The following WDR49 variants were observed in gnomAD, a reference collection of about 807,000 sequenced individuals.
WDR49 encodes cilia- and flagella-associated protein 337.
In WDR49, 107 loss-of-function variants were observed where a neutral mutation model predicts 119.5. The ratio of observed to expected loss-of-function variants is 0.90; its 90% CI spans 0.77 to 1.05. The LOEUF is 1.05. Among genes scored for constraint, WDR49 ranks in the 50% least tolerant of loss-of-function variants. WDR49 has a pLI of 0.00. For synonymous variants in WDR49, 425 were observed against 418.8 expected (o/e 1.01, Z -0.18); for missense variants, 1,240 against 1,220.5 (o/e 1.02, Z -0.24).
intron 14 of WDR49, among the ~76,000 whole-genome samples, chr3:167,528,310 T>C (rs576052087): frequency 6.6e-6 from 1 of 152,032 alleles, no homozygotes; most frequent in South Asian, 2.1e-4. Flanking sequence ...CTTTACCACA[T>C]ACAGGTGGTC....
At chr3:167,562,552 A>G (rs1220852800) in intron 8 of WDR49, among the ~76,000 whole-genome samples, 2 of 152,260 alleles carry the variant, frequency 1.3e-5, no homozygotes. Flanking sequence ...TTGAATTACC[A>G]TTGTGAAACT....
Position 167,494,425 on chromosome 3 carries a change from G to A in WDR49, c.3031+5728C>T, listed in dbSNP as rs141526847. Among the ~76,000 whole-genome samples the A allele has an allele frequency of 2.0e-5, 3 of 152,028 alleles. No homozygotes were observed. The East Asian group carries it at 5.8e-4, about 29-fold the overall frequency. ...TCAACAGGAATTTTCTTTCTGGATA[G>A]GATTTAATAGGTAGTTGCAGGTTAT... is the stretch of plus-strand genomic sequence containing the variant. On this transcript the variant is annotated intron_variant, in intron 18 of 18. Transcript: ENST00000682715.
At chr3:167,508,260 A>G (rs1751845513) in intron 16 of WDR49, among the ~76,000 whole-genome samples, 1 of 152,220 alleles carries the variant, frequency 6.6e-6, no homozygotes, top group African/African-American at 2.4e-5. Context: ...TAATTTGTCA[A>G]TATTTTCACA....
chr3:167,490,485 C>T (rs568348451), intron 18 of WDR49, among the ~76,000 whole-genome samples: 92 of 152,248 alleles, frequency 6.0e-4, no homozygotes, highest in African/African-American at 2.2e-3. Context: ...ATAGTCAATG[C>T]ATGTATCTAC....
intron 11 of WDR49, among the ~76,000 whole-genome samples, chr3:167,534,193 C>G (rs1034825426): frequency 1.3e-5 from 2 of 151,786 alleles, no homozygotes; most frequent in African/African-American, 4.8e-5. Context: ...AGACTCCACT[C>G]CATCCAAAAA....
Position 167,604,412 on chromosome 3 carries a change from T to C in WDR49, c.1015A>G (p.Ser339Gly), listed in dbSNP as rs1715938233. The change falls in exon 6 of 19, where the codon AGT (serine) becomes GGT (glycine). Residue 339 changes from serine to glycine, a missense_variant. Physicochemically the swap from Ser to Gly is moderately conservative, Grantham distance 56. Coordinates refer to ENST00000682715, the MANE Select transcript of WDR49 (RefSeq NM_001366157.1). ...TTCTCTCTCCAAGCCATCACCACAC[T>C]ATTTGTATTGCTGGTTGTACTGGAA... is the stretch of plus-strand genomic sequence containing the variant. ...IISSTTSNTN[S>G]VVMAWREKSK... 1 of 1,613,646 alleles carries C rather than the reference T, an allele frequency of 6.2e-7. No homozygotes were observed.
upstream of WDR49, among the ~76,000 whole-genome samples, chr3:167,655,925 C>CTCTA (rs1718592396): frequency 2.0e-5 from 3 of 151,456 alleles, no homozygotes; most frequent in South Asian, 6.2e-4. Flanking sequence ...CTCTCTCTCT[C>CTCTA]TATATATATA....
chr3:167,560,026 C>T lies in WDR49; in HGVS notation c.1674+38G>A, dbSNP rs1381189705. ...GTCTTCTGGCATAGTATTTTAGTCT[C>T]CTCATATCTGGATAGAAAAGCATCA... On this transcript the variant is annotated intron_variant, in intron 9 of 18. Coordinates refer to ENST00000682715, the MANE Select transcript of WDR49 (RefSeq NM_001366157.1). 8.7e-6 allele frequency: 14 copies of T among 1,609,752 alleles called. No homozygotes were observed. In the Admixed American group the frequency reaches 1.3e-4, roughly 15 times the overall value.
intron 9 of WDR49, among the ~76,000 whole-genome samples, chr3:167,559,612 A>C (rs1030907567): frequency 4.6e-5 from 7 of 152,228 alleles, no homozygotes; most frequent in Non-Finnish European, 7.3e-5. Context: ...AAGATTACAA[A>C]ATAGGTTTAC....
intron 2 of WDR49, among the ~76,000 whole-genome samples, chr3:167,643,303 A>C (rs1320504783): frequency 6.6e-6 from 1 of 152,116 alleles, no homozygotes; most frequent in Non-Finnish European, 1.5e-5. Flanking sequence ...GGTGGAGATA[A>C]CTACGCAGTA....
chr3:167,505,386 A>G lies in WDR49; in HGVS notation c.2805T>C (p.Asp935=), dbSNP rs750349837. Residue 935 remains aspartate, a synonymous_variant, in exon 17 of 19, where the codon GAT becomes GAC. Transcript: ENST00000682715. ...AGGTACTTCTTTCCTTATATTTTAT[A>G]TCTAAATTTATATCTTCTGATGGTC... ...NVRPSEDINL[D]IKYKERSTCM... 1 of 1,525,206 alleles carries G rather than the reference A, an allele frequency of 6.6e-7. No individual in the cohort carries two copies. Among genetic ancestry groups the G allele is most frequent in the East Asian group, 2.4e-5 (1 of 41,208 alleles). 94.5% of individuals were successfully genotyped at this position (1,525,206 alleles called of 1,614,324 possible).
chr3:167,487,372 A>G (rs1183583662), intron 18 of WDR49, among the ~76,000 whole-genome samples: 1 of 152,166 alleles, frequency 6.6e-6, no homozygotes, highest in African/African-American at 2.4e-5. Context: ...ATATACAAAA[A>G]TTAACTAAGG....
intron 5 of WDR49, among the ~76,000 whole-genome samples, chr3:167,612,771 T>C (rs1186813668): frequency 6.6e-6 from 1 of 151,112 alleles, no homozygotes. Flanking sequence ...TGGGAAGAAA[T>C]CTTGTGTTAA....
intron 16 of WDR49, among the ~76,000 whole-genome samples, chr3:167,520,131 G>A (rs570464584): frequency 2.6e-4 from 40 of 151,536 alleles, no homozygotes; most frequent in Non-Finnish European, 5.0e-4. Context: ...CCTGTAGTCC[G>A]AGCTACTTGG....
Position 167,602,142 on chromosome 3 carries a change from G to A in WDR49, c.1260C>T (p.Ser420=), listed in dbSNP as rs1715803078. Residue 420 remains serine (S), a synonymous_variant, in exon 7 of 19, where the codon AGC becomes AGT. Transcript: ENST00000682715. ...TGTTACTTACTTTATCCTTGGAGAA[G>A]CTGAAAAGTTGTTTTCTTTCCACAA... ...QFFVERKQLF[S]FSKDKVLRLW... is the part of the protein sequence containing the mutation. 6.2e-7 allele frequency: 1 copy of A among 1,600,254 alleles called. No individual in the cohort carries two copies. Among genetic ancestry groups the A allele is most frequent in the Non-Finnish European group, 8.5e-7 (1 of 1,170,248 alleles).
At chr3:167,624,276 G>A (rs1344344484) in intron 3 of WDR49, among the ~76,000 whole-genome samples, 1 of 151,202 alleles carries the variant, frequency 6.6e-6, no homozygotes, top group Non-Finnish European at 1.5e-5. Context: ...ATGGAAGGCT[G>A]CAGAGCAATA....
chr3:167,621,307 G>A (rs1716857708), intron 4 of WDR49, among the ~76,000 whole-genome samples, 160 bp downstream of exon 4: 1 of 152,020 alleles, frequency 6.6e-6, no homozygotes, highest in East Asian at 1.9e-4. Context: ...TACGCAAGAA[G>A]ACAAATTGTG....
intron 2 of WDR49, among the ~76,000 whole-genome samples, chr3:167,642,846 A>C (rs970504467): frequency 6.6e-6 from 1 of 151,982 alleles, no homozygotes; most frequent in African/African-American, 2.4e-5. Flanking sequence ...CTCACACTAG[A>C]CAAATTTGGG....
At chr3:167,498,220 A>C (rs1751432671) in intron 18 of WDR49, among the ~76,000 whole-genome samples, 1 of 152,214 alleles carries the variant, frequency 6.6e-6, no homozygotes, top group African/African-American at 2.4e-5. Flanking sequence ...ACACACTAAG[A>C]GTTATTTAGA....
Sources: gnomAD v4.1 joint callset for allele counts (sites outside exome capture counted in the v4.1 genomes callset) on GRCh38, gnomAD v4.1.1 for gene constraint, MANE v1.5 for transcripts, NCBI Gene and HGNC (gene_info 2026-07-23, HGNC 2026-07-21) for gene names.